DSC1: variants seen among roughly 807,000 people sequenced by gnomAD.
DSC1 encodes the protein desmocollin-1.
Under a neutral mutation model 98.8 loss-of-function variants are expected in DSC1, and 79 were observed. The ratio of observed to expected loss-of-function variants is 0.80; its 90% CI spans 0.67 to 0.96. DSC1 has a LOEUF of 0.96. DSC1 is among the 50% of genes least tolerant of loss of function. DSC1 has a pLI of 0.00. For missense variants in DSC1, 1,115 were observed against 1,075.9 expected, an observed-to-expected ratio of 1.04 and a Z score of -0.51; for synonymous variants, 405 against 372.1, an observed-to-expected ratio of 1.09 and a Z score of -1.02.
Position 31,142,088 on chromosome 18 carries a change from C to T in DSC1, c.1171G>A (p.Val391Ile), listed in dbSNP as rs768662425. 1.3e-5 allele frequency: 21 copies of T among 1,612,928 alleles called. No homozygotes were observed. The East Asian group carries it at 2.9e-4, about 22-fold the overall frequency. ...DLPNTPHSKAVYKILQGNENG... is the reference protein window; with the variant it reads ...DLPNTPHSKAIYKILQGNENG... ...TCATTTCCTTGTAGGATTTTGTATACAGCCTTTGAGTGAGGAGTGTTTGGC... is the reference window on the plus strand; with the variant it reads ...TCATTTCCTTGTAGGATTTTGTATATAGCCTTTGAGTGAGGAGTGTTTGGC... The change falls in exon 9 of 16, where the codon GTA (valine) becomes ATA (isoleucine). Residue 391 changes from valine to isoleucine, a missense_variant. Physicochemically the swap from Val to Ile is conservative, Grantham distance 29 (BLOSUM62 3). Coordinates refer to ENST00000257198, the MANE Select transcript of DSC1 (RefSeq NM_024421.2).
chr18:31,139,398 T>C (rs1269124828), intron 11 of DSC1, among the ~76,000 whole-genome samples: 1 of 152,154 alleles, frequency 6.6e-6, no homozygotes, highest in Non-Finnish European at 1.5e-5. Flanking sequence ...TATCTAAACC[T>C]GTACTTCTGA....
At chr18:31,159,844 C>T (rs577809604) in intron 1 of DSC1, among the ~76,000 whole-genome samples, 1 of 152,288 alleles carries the variant, frequency 6.6e-6, no homozygotes, top group Middle Eastern at 3.4e-3. Context: ...TAAGACCATT[C>T]ATAAATGCCA....
At chr18:31,162,060 C>A (rs1014684520) in intron 1 of DSC1, among the ~76,000 whole-genome samples, 3 of 152,118 alleles carry the variant, frequency 2.0e-5, no homozygotes, top group Non-Finnish European at 4.4e-5. Context: ...TTAAACTATT[C>A]TTTGCTTAAA....
At chr18:31,150,357 C>CCATCACCAGCAGCACTAT (rs1988962854) in intron 5 of DSC1, among the ~76,000 whole-genome samples, 4 of 1,570 alleles carry the variant, frequency 2.5e-3, no homozygotes, top group Admixed American at 7.0e-3. Flanking sequence ...ACCACCACCA[C>CCATCACCAGCAGCACTAT]CATCATCACC....
chr18:31,134,707 C>T lies in DSC1; in HGVS notation c.1741G>A (p.Val581Met), dbSNP rs570530922. 5.6e-6 allele frequency: 9 copies of T among 1,613,208 alleles called. No individual in the cohort carries two copies. The African/African-American group carries it at 8.0e-5, about 14-fold the overall frequency. Residue 581 changes from valine to methionine, a missense_variant, in exon 12 of 16, where the codon GTG (valine) becomes ATG (methionine). Val to Met is a conservative substitution (Grantham distance 21, BLOSUM62 1). Transcript: ENST00000257198. ...TCCTCATTATTCTGACAAATGGTCA[C>T]TTCTTTGTCAATTTGAGGTGCGTGA... ...NDHAPQIDKE[V>M]TICQNNEDFA...
chr18:31,140,337 A>C lies in DSC1; in HGVS notation c.1261-36T>G, dbSNP rs200933237. ...AGCATACTTTAATAAGTCAATATATAACATTATATATAAGACTTCTAATTT... is the reference window on the plus strand; with the variant it reads ...AGCATACTTTAATAAGTCAATATATCACATTATATATAAGACTTCTAATTT... On this transcript the variant is annotated intron_variant, in intron 9 of 15. Transcript: ENST00000257198. 7.0e-5 allele frequency: 111 copies of C among 1,576,142 alleles called. No individual in the cohort carries two copies. The African/African-American group carries it at 1.3e-3, about 19-fold the overall frequency.
rs1377767481 is a variant in DSC1 at position 31,129,370 on chromosome 18, A to T, written c.*1144T>A. On this transcript the variant is annotated 3_prime_UTR_variant, in exon 16 of 16. Transcript: ENST00000257198. ...TGCCTCAGCCTCCTGAGTAGCTGGGATTACAGTCATTCGCCACCATGTCCG... is the reference window on the plus strand; with the variant it reads ...TGCCTCAGCCTCCTGAGTAGCTGGGTTTACAGTCATTCGCCACCATGTCCG... 6.6e-6 allele frequency: 1 copy of T among 151,640 alleles called. No homozygotes were observed. The highest frequency in any genetic ancestry group is 6.6e-5 in the Admixed American group (1 of 15,166). 9.4% of individuals were successfully genotyped at this position (151,640 alleles called of 1,614,324 possible).
chr18:31,138,648 G>T (rs1481157016), intron 11 of DSC1, among the ~76,000 whole-genome samples: 1 of 151,306 alleles, frequency 6.6e-6, no homozygotes, highest in Non-Finnish European at 1.5e-5. Context: ...AAATAAATAA[G>T]CATGAACATT....
At chr18:31,144,200 G>A (rs1306474069) in intron 7 of DSC1, among the ~76,000 whole-genome samples, 4 of 151,754 alleles carry the variant, frequency 2.6e-5, no homozygotes, top group Non-Finnish European at 5.9e-5. Flanking sequence ...GTGAGCCACT[G>A]TGCCTGGCCC....
chr18:31,156,228 A>G lies in DSC1; in HGVS notation c.352-66T>C, dbSNP rs780718083. ...CATTTTTTGGAACTGTGATTATTTTACACATACATCAACAAGCAGATGTAA... is the reference window on the plus strand; with the variant it reads ...CATTTTTTGGAACTGTGATTATTTTGCACATACATCAACAAGCAGATGTAA... On this transcript the variant is annotated intron_variant, in intron 3 of 15. Transcript: ENST00000257198. 8 of 1,570,676 alleles carry G rather than the reference A, an allele frequency of 5.1e-6. No homozygotes were observed. The African/African-American group carries it at 6.8e-5, about 13-fold the overall frequency.
At position 31,130,433 on chromosome 18, in the gene DSC1, A is replaced by T; in HGVS notation, c.*81T>A. On this transcript the variant is annotated 3_prime_UTR_variant, in exon 16 of 16. Transcript: ENST00000257198. ...AAAGTTTACCTCCATAAACAAAAAC[A>T]TTAGCAGATGCTGCTAACATTCTGC... 1.3e-6 allele frequency: 2 copies of T among 1,503,252 alleles called. No homozygotes were observed. Among genetic ancestry groups the T allele is most frequent in the Middle Eastern group, 1.8e-4 (1 of 5,682 alleles). 93.1% of individuals were successfully genotyped at this position (1,503,252 alleles called of 1,614,324 possible). A position where few individuals can be genotyped will look rare whatever the true frequency, so the allele number is the denominator to read the frequency against.
chr18:31,141,309 C>T (rs1249366240), intron 9 of DSC1, among the ~76,000 whole-genome samples: 1 of 152,042 alleles, frequency 6.6e-6, no homozygotes, highest in East Asian at 1.9e-4. Flanking sequence ...AGAATATTTT[C>T]TAAAAATCTT....
intron 2 of DSC1, 105 bp downstream of exon 2, chr18:31,159,340 A>G (rs1989166176): frequency 8.8e-7 from 1 of 1,131,814 alleles, no homozygotes; most frequent in Admixed American, 2.1e-5. Context: ...GGCGTGAGCC[A>G]CCGCGCCCGG....
chr18:31,142,312 A>G, intron 8 of DSC1, 128 bp from the exon 9 acceptor site: 1 of 946,674 alleles, frequency 1.1e-6, no homozygotes, highest in Non-Finnish European at 1.5e-6. Flanking sequence ...ATATGGGGAA[A>G]CATTTTACAA....
At chr18:31,136,589 G>A (rs1033248219) in intron 11 of DSC1, among the ~76,000 whole-genome samples, 3 of 152,204 alleles carry the variant, frequency 2.0e-5, no homozygotes, top group African/African-American at 7.2e-5. Flanking sequence ...GAACAGGGGT[G>A]TCCAATCTTT....
Position 31,145,797 on chromosome 18 carries a change from A to C in DSC1, c.773-20T>G. The C allele has an allele frequency of 6.3e-7, 1 of 1,597,206 alleles. No homozygotes were observed. Among genetic ancestry groups the C allele is most frequent in the Non-Finnish European group, 8.5e-7 (1 of 1,174,058 alleles). On this transcript the variant is annotated intron_variant, in intron 6 of 15. Coordinates refer to ENST00000257198, the MANE Select transcript of DSC1 (RefSeq NM_024421.2). Reference sequence around the variant, plus strand: ...AAGTTCCTGTTTAGATAAATCCAAAAGTGTCAAAAATTTCTACTCATATAA... The same window carrying C: ...AAGTTCCTGTTTAGATAAATCCAAACGTGTCAAAAATTTCTACTCATATAA...
chr18:31,153,701 C>T (rs1176638229), intron 5 of DSC1, among the ~76,000 whole-genome samples: 1 of 152,066 alleles, frequency 6.6e-6, no homozygotes, highest in African/African-American at 2.4e-5. Context: ...TACTTACTAG[C>T]TTCATATTTC....
intron 14 of DSC1, chr18:31,132,134 A>G: frequency 2.3e-6 from 1 of 432,094 alleles, no homozygotes; most frequent in Non-Finnish European, 4.2e-6. Context: ...CTAAGCGAAT[A>G]TAATCAGTAT....
chr18:31,151,999 G>A (rs564273407), intron 5 of DSC1, among the ~76,000 whole-genome samples: 16 of 151,848 alleles, frequency 1.1e-4, no homozygotes, highest in East Asian at 3.9e-4. Flanking sequence ...CTGTCTCTAC[G>A]AAAAATACAA....
Sources: gnomAD v4.1 joint callset for allele counts (sites outside exome capture counted in the v4.1 genomes callset) on GRCh38, gnomAD v4.1.1 for gene constraint, MANE v1.5 for transcripts, NCBI Gene and HGNC (gene_info 2026-07-23, HGNC 2026-07-21) for gene names.